BRWD1: variants seen among roughly 807,000 people sequenced by gnomAD.
BRWD1 encodes the protein bromodomain and WD repeat-containing protein 1.
Under a neutral mutation model 251.2 loss-of-function variants are expected in BRWD1, and 82 were observed. The observed-to-expected ratio is 0.33, with a 90% CI of 0.27 to 0.39. The LOEUF (loss-of-function observed/expected upper bound fraction) is 0.39. BRWD1 is among the 10% of genes least tolerant of loss of function. BRWD1 has a pLI of 1.00. For synonymous variants in BRWD1, 918 were observed against 902.8 expected, an observed-to-expected ratio of 1.02 and a Z score of -0.30; for missense variants, 2,233 against 2,711.6, an observed-to-expected ratio of 0.82 and a Z score of 3.92.
Position 39,274,323 on chromosome 21 carries a change from G to C in BRWD1, c.1244+51C>G. 17 of 1,339,136 alleles carry C rather than the reference G, an allele frequency of 1.3e-5. 1 individual carries two copies. Among genetic ancestry groups the C allele is most frequent in the East Asian group, 2.3e-5 (1 of 43,520 alleles). The allele number at this position is 1,339,136 out of a possible 1,614,324, so 83.0% of individuals were successfully genotyped here. A position where few individuals can be genotyped will look rare whatever the true frequency, so the allele number is the denominator to read the frequency against. On this transcript the variant is annotated intron_variant, in intron 13 of 40. Coordinates refer to ENST00000342449, the MANE Select transcript of BRWD1 (RefSeq NM_033656.4). ...AGAGAGCGAGAGAGAGAGAGAGAGAGAGACAGATCGAACACCTATGATGCA... is the reference window on the plus strand; with the variant it reads ...AGAGAGCGAGAGAGAGAGAGAGAGACAGACAGATCGAACACCTATGATGCA...
chr21:39,295,653 G>A, intron 7 of BRWD1, 90 bp downstream of exon 7: 1 of 1,090,764 alleles, frequency 9.2e-7, no homozygotes, highest in Non-Finnish European at 1.3e-6. Flanking sequence ...CTCTGAGGAT[G>A]GGAAACAGAA....
intron 4 of BRWD1, among the ~76,000 whole-genome samples, chr21:39,303,642 CA>C (rs1359970915): frequency 1.3e-5 from 2 of 151,572 alleles, no homozygotes; most frequent in Non-Finnish European, 2.9e-5. Flanking sequence ...CCAGCCTGGG[CA>C]ACATGGCAAA....
chr21:39,226,101 G>A (rs555150317), intron 27 of BRWD1, among the ~76,000 whole-genome samples: 3 of 152,098 alleles, frequency 2.0e-5, no homozygotes, highest in African/African-American at 7.2e-5. Flanking sequence ...CCTAATACTA[G>A]AAGATAATTT....
At position 39,208,312 on chromosome 21, in the gene BRWD1, A is replaced by G. The variant is rs1032755700; in HGVS notation, c.4197+1683T>C. ...CAGTCTTACAAATGGTGACTTTGAC[A>G]AAAATCCAAGCTTGGAAACGTTAGC... On this transcript the variant is annotated intron_variant, in intron 36 of 40. Coordinates refer to ENST00000342449, the MANE Select transcript of BRWD1 (RefSeq NM_033656.4). 2.0e-5 allele frequency among the ~76,000 whole-genome samples: 3 copies of G among 152,206 alleles called. No individual in the cohort carries two copies. The South Asian group carries it at 6.2e-4, about 32-fold the overall frequency.
rs1601232318 is a variant in BRWD1 at position 39,195,853 on chromosome 21, ATTG to A, written c.*403_*405del. On this transcript the variant is annotated 3_prime_UTR_variant, in exon 41 of 41. Coordinates refer to ENST00000342449, the MANE Select transcript of BRWD1 (RefSeq NM_033656.4). Reference sequence around the variant, plus strand: ...AGAATCTGTAAACATAGGTTGTGAAATTGTTGTAACTACTATAGAACAGGGGTT... The same window carrying A: ...AGAATCTGTAAACATAGGTTGTGAAATTGTAACTACTATAGAACAGGGGTT... 1.0e-6 allele frequency: 1 copy of A among 989,262 alleles called. No individual in the cohort carries two copies. Among genetic ancestry groups the A allele is most frequent in the Non-Finnish European group, 1.2e-6 (1 of 832,594 alleles). The allele number at this position is 989,262 out of a possible 1,614,324, so 61.3% of individuals were successfully genotyped here. A position where few individuals can be genotyped will look rare whatever the true frequency, so the allele number is the denominator to read the frequency against.
intron 21 of BRWD1, among the ~76,000 whole-genome samples, chr21:39,242,412 G>C (rs1317387994): frequency 6.6e-6 from 1 of 152,174 alleles, no homozygotes; most frequent in Non-Finnish European, 1.5e-5. Context: ...CAGAAGAAAA[G>C]ATGGAAACTT....
At chr21:39,288,551 C>T (rs891983533) in intron 8 of BRWD1, among the ~76,000 whole-genome samples, 5 of 152,148 alleles carry the variant, frequency 3.3e-5, no homozygotes, top group African/African-American at 9.7e-5. Flanking sequence ...CCTTGAACAA[C>T]GCAGGGGTTA....
At position 39,312,832 on chromosome 21, in the gene BRWD1, A is replaced by G. The variant is rs779160348; in HGVS notation, c.198+9T>C. On this transcript the variant is annotated intron_variant, in intron 4 of 40. Coordinates refer to ENST00000342449, the MANE Select transcript of BRWD1 (RefSeq NM_033656.4). ...GAAAACCCGGGGAGCAAACGTGCCC[A>G]ATGCTCACCAACTCCTCGTAGCTCC... The G allele has an allele frequency of 3.1e-6, 5 of 1,589,514 alleles. No homozygotes were observed. Among genetic ancestry groups the G allele is most frequent in the East Asian group, 2.3e-5 (1 of 42,674 alleles).
At chr21:39,229,213 A>AAC in intron 26 of BRWD1, 99 bp downstream of exon 26, 1 of 1,079,396 alleles carries the variant, frequency 9.3e-7, no homozygotes, top group South Asian at 1.4e-5. Flanking sequence ...GTGCTCTACC[A>AAC]GTTACCCTGG....
At chr21:39,226,544 C>T (rs1443476439) in intron 27 of BRWD1, among the ~76,000 whole-genome samples, 1 of 152,204 alleles carries the variant, frequency 6.6e-6, no homozygotes, top group Non-Finnish European at 1.5e-5. Flanking sequence ...GAGCCTCTTA[C>T]ACCTCATGGG....
At chr21:39,205,349 C>T (rs1028832349) in intron 37 of BRWD1, among the ~76,000 whole-genome samples, 1 of 151,638 alleles carries the variant, frequency 6.6e-6, no homozygotes, top group African/African-American at 2.4e-5. Flanking sequence ...TGGTGACACA[C>T]CCCTGTTATC....
At chr21:39,200,914 G>A (rs952219306) in intron 38 of BRWD1, among the ~76,000 whole-genome samples, 5 of 151,942 alleles carry the variant, frequency 3.3e-5, no homozygotes, top group Admixed American at 2.6e-4. Flanking sequence ...AACCCAGGAG[G>A]GGAAGGTAGC....
intron 8 of BRWD1, among the ~76,000 whole-genome samples, chr21:39,283,876 T>C (rs969393836): frequency 2.6e-5 from 4 of 152,182 alleles, no homozygotes; most frequent in South Asian, 2.1e-4. Context: ...TTTTCTAAGA[T>C]GGATTAGCTA....
chr21:39,257,542 A>T (rs926477710), intron 18 of BRWD1, among the ~76,000 whole-genome samples: 1 of 152,148 alleles, frequency 6.6e-6, no homozygotes, highest in East Asian at 1.9e-4. Flanking sequence ...ATTAAATCCT[A>T]AATTTTTTTT....
In BRWD1 at chr21:39,280,158, A is replaced by G. The variant is rs1267217319; in HGVS notation, c.922T>C (p.Leu308=). ...ATTAAAGCCACTTACCTAAATTTTA[A>G]GGATTCTAAATCCCATTGCCAAAAG... ...VCFWQWDLES[L]KFSPRPLKFT... is the part of the protein sequence containing the mutation. Residue 308 remains leucine, a synonymous_variant, in exon 9 of 41, where the codon TTA becomes CTA. Transcript: ENST00000342449. 6.3e-7 allele frequency: 1 copy of G among 1,592,090 alleles called. No homozygotes were observed. The highest frequency in any genetic ancestry group is 1.4e-5 in the African/African-American group (1 of 73,444).
Position 39,193,724 on chromosome 21 carries a change from T to A in BRWD1, c.*2535A>T. 3.0e-6 allele frequency: 3 copies of A among 985,552 alleles called. No individual in the cohort carries two copies. Among genetic ancestry groups the A allele is most frequent in the Non-Finnish European group, 3.6e-6 (3 of 829,680 alleles). 61.1% of individuals were successfully genotyped at this position (985,552 alleles called of 1,614,324 possible). ...CCCTTTATCTTTTTCTCAAGAATAC[T>A]ACAAACTGACCCTAAACATTAAAGT... On this transcript the variant is annotated 3_prime_UTR_variant, in exon 41 of 41. Transcript: ENST00000342449.
At chr21:39,240,208 C>CA (rs541496329) in intron 21 of BRWD1, among the ~76,000 whole-genome samples, 1 of 152,072 alleles carries the variant, frequency 6.6e-6, no homozygotes, top group Non-Finnish European at 1.5e-5. Context: ...ACTATGAAGA[C>CA]AAAAAATCAG....
chr21:39,194,667 C>G lies in BRWD1; in HGVS notation c.*1592G>C. 1 of 1,534,290 alleles carries G rather than the reference C, an allele frequency of 6.5e-7. No homozygotes were observed. The highest frequency in any genetic ancestry group is 8.7e-7 in the Non-Finnish European group (1 of 1,145,498). ...AATAGATAACTACAAAATAGGAACA[C>G]TTCAGAACATTCTCTAACATTAATA... On this transcript the variant is annotated 3_prime_UTR_variant, in exon 41 of 41. Coordinates refer to ENST00000342449, the MANE Select transcript of BRWD1 (RefSeq NM_033656.4).
rs1401665111 is a variant in BRWD1 at position 39,185,689 on chromosome 21, ACTTGGTT to A, written c.*10563_*10569del. 1 of 123,074 alleles carries A rather than the reference ACTTGGTT, an allele frequency of 8.1e-6. No homozygotes were observed. The highest frequency in any genetic ancestry group is 1.7e-5 in the Non-Finnish European group (1 of 58,640). 7.6% of individuals were successfully genotyped at this position (123,074 alleles called of 1,614,324 possible). ...CACAAATTTCTCAAGTATTTTAGAC[ACTTGGTT>A]CATCTGTATAACAAAAAAAAAAAAA... On this transcript the variant is annotated 3_prime_UTR_variant, in exon 41 of 41. Transcript: ENST00000342449.
Sources: gnomAD v4.1 joint callset for allele counts (sites outside exome capture counted in the v4.1 genomes callset) on GRCh38, gnomAD v4.1.1 for gene constraint, MANE v1.5 for transcripts, NCBI Gene and HGNC (gene_info 2026-07-23, HGNC 2026-07-21) for gene names.